CA10: variants seen among roughly 807,000 people sequenced by gnomAD.
The protein encoded by CA10 is carbonic anhydrase-related protein 10.
CA10 carries 14 observed loss-of-function variants against 44.2 expected under a neutral mutation model. The ratio of observed to expected loss-of-function variants is 0.32; its 90% CI spans 0.21 to 0.50. The LOEUF (loss-of-function observed/expected upper bound fraction) is 0.50, where lower values mean the gene tolerates loss of function less well. Among genes scored for constraint, CA10 ranks in the 20% least tolerant of loss-of-function variants. The probability of loss-of-function intolerance (pLI) is 0.99; values close to 1 mark genes in which losing one functional copy is unlikely to be tolerated. For missense variants in CA10, 350 were observed against 409.7 expected (o/e 0.85, Z 1.26); for synonymous variants, 159 against 141.6 (o/e 1.12, Z -0.87).
Position 52,092,051 on chromosome 17 carries a change from GTCTTTC to G in CA10, c.62-19664_62-19659del, listed in dbSNP as rs139559535. Among the ~76,000 whole-genome samples the G allele has an allele frequency of 7.4e-3, 1,121 of 152,156 alleles. 10 individuals carry two copies. The Middle Eastern group carries it at 0.095, about 13-fold the overall frequency. On this transcript the variant is annotated intron_variant, in intron 1 of 8. Coordinates refer to ENST00000451037, the MANE Select transcript of CA10 (RefSeq NM_020178.5). ...TGGGAGGGATGAGTTAAAACAACCTGTCTTTCTCTTTCTCTTTCTCCGCCTGTCTGT... is the reference window on the plus strand; with the variant it reads ...TGGGAGGGATGAGTTAAAACAACCTGTCTTTCTCTTTCTCCGCCTGTCTGT...
intron 1 of CA10, among the ~76,000 whole-genome samples, chr17:52,108,196 A>G (rs1251220293): frequency 5.2e-5 from 1 of 19,248 alleles, no homozygotes; most frequent in Non-Finnish European, 7.0e-5. Flanking sequence ...TATATTTTTT[A>G]TATATATATA....
chr17:52,097,798 C>A (rs1213718708), intron 1 of CA10, among the ~76,000 whole-genome samples: 2 of 152,100 alleles, frequency 1.3e-5, no homozygotes. Context: ...ACATGGTAAG[C>A]CCAGTAATAG....
chr17:51,741,125 A>G (rs1447199061), intron 4 of CA10, among the ~76,000 whole-genome samples: 1 of 152,226 alleles, frequency 6.6e-6, no homozygotes, highest in African/African-American at 2.4e-5. Context: ...TAAACCACAA[A>G]GCATGTGAAC....
intron 3 of CA10, chr17:51,763,458 C>T (rs1390874564): frequency 6.6e-6 from 1 of 152,168 alleles, no homozygotes; most frequent in Non-Finnish European, 1.5e-5. Context: ...AGCATGTTCA[C>T]CAGATGAATT....
chr17:51,829,384 A>G (rs2143779861), intron 3 of CA10, among the ~76,000 whole-genome samples: 1 of 152,342 alleles, frequency 6.6e-6, no homozygotes, highest in South Asian at 2.1e-4. Context: ...CAGAAACTGA[A>G]CAGTGAGGTG....
chr17:51,971,451 G>A (rs1567904897), intron 2 of CA10, among the ~76,000 whole-genome samples: 2 of 152,074 alleles, frequency 1.3e-5, no homozygotes, highest in Non-Finnish European at 2.9e-5. Context: ...TATTATAAAG[G>A]AAATCTTCAG....
At chr17:52,115,670 C>G (rs1185724596) in intron 1 of CA10, among the ~76,000 whole-genome samples, 1 of 152,240 alleles carries the variant, frequency 6.6e-6, no homozygotes, top group Non-Finnish European at 1.5e-5. Flanking sequence ...CCGCCCCCCT[C>G]CCCTCTCGGT....
intron 2 of CA10, among the ~76,000 whole-genome samples, chr17:52,057,186 G>A (rs1787792303): frequency 6.6e-6 from 1 of 152,066 alleles, no homozygotes. Flanking sequence ...CATGGGGTGT[G>A]AGCTACGTAG....
chr17:52,153,461 G>A (rs914751201), intron 1 of CA10, among the ~76,000 whole-genome samples: 1 of 152,094 alleles, frequency 6.6e-6, no homozygotes, highest in Non-Finnish European at 1.5e-5. Context: ...GATCCCCTGG[G>A]TAATAAGTAC....
intron 3 of CA10, among the ~76,000 whole-genome samples, chr17:51,752,721 G>T (rs1448416000): frequency 2.6e-5 from 4 of 152,118 alleles, no homozygotes; most frequent in Non-Finnish European, 4.4e-5. Context: ...CTGAGGTCAG[G>T]GGCTTGAGAC....
At chr17:51,714,244 G>A (rs1447627501) in intron 4 of CA10, among the ~76,000 whole-genome samples, 2 of 152,154 alleles carry the variant, frequency 1.3e-5, no homozygotes, top group Non-Finnish European at 2.9e-5. Context: ...AAGTCTCATA[G>A]GGGAACAAGC....
chr17:51,713,216 G>T (rs1915999194), intron 4 of CA10, among the ~76,000 whole-genome samples: 1 of 152,192 alleles, frequency 6.6e-6, no homozygotes, highest in Admixed American at 6.5e-5. Flanking sequence ...GCACTGAATG[G>T]TTTGAGCATC....
rs1979802254 is a variant in CA10 at position 51,871,364 on chromosome 17, TGGGATTACA to T, written c.279+59617_279+59625del. The stretch of plus-strand genomic sequence containing the variant: ...CTCCTGCCTCAGCCTCCCGAATAGC[TGGGATTACA>T]GGTGCCCACCACCAGGCCTAATTTT... On this transcript the variant is annotated intron_variant, in intron 3 of 8. Coordinates refer to ENST00000451037, the MANE Select transcript of CA10 (RefSeq NM_020178.5). Among the ~76,000 whole-genome samples, 13 of 149,546 alleles carry T rather than the reference TGGGATTACA, an allele frequency of 8.7e-5. No individual in the cohort carries two copies. In the South Asian group the frequency reaches 2.8e-3, roughly 32 times the overall value.
chr17:52,010,695 C>A (rs942835217), intron 2 of CA10, among the ~76,000 whole-genome samples: 2 of 151,754 alleles, frequency 1.3e-5, no homozygotes, highest in African/African-American at 4.8e-5. Flanking sequence ...ATGGGTACAC[C>A]AAAATCCCAG....
In CA10 at chr17:51,679,674, C is replaced by G. The variant is rs1477329975; in HGVS notation, c.466-25938G>C. 3.3e-5 allele frequency among the ~76,000 whole-genome samples: 5 copies of G among 151,930 alleles called. 1 individual carries two copies. Among genetic ancestry groups the G allele is most frequent in the Non-Finnish European group, 7.4e-5 (5 of 68,016 alleles). ...CCCTGGGTTGAAGCGATTCTCCTGC[C>G]TCAGCCTCCCAAATGGAGACTCCGT... On this transcript the variant is annotated intron_variant, in intron 4 of 8. Coordinates refer to ENST00000451037, the MANE Select transcript of CA10 (RefSeq NM_020178.5).
chr17:52,045,009 A>G (rs1376268791), intron 2 of CA10, among the ~76,000 whole-genome samples: 1 of 151,874 alleles, frequency 6.6e-6, no homozygotes, highest in Non-Finnish European at 1.5e-5. Flanking sequence ...AAACCACAAT[A>G]AGATGCATCA....
intron 2 of CA10, among the ~76,000 whole-genome samples, chr17:52,071,202 G>A (rs1262803172): frequency 6.6e-6 from 1 of 152,052 alleles, no homozygotes; most frequent in African/African-American, 2.4e-5. Context: ...ATGTTCACTG[G>A]GCCATAGAAT....
chr17:52,021,083 C>A (rs1224664115), intron 2 of CA10, among the ~76,000 whole-genome samples: 3 of 151,814 alleles, frequency 2.0e-5, no homozygotes, highest in African/African-American at 7.3e-5. Flanking sequence ...TTCCATATAA[C>A]AAACCTACTC....
chr17:51,760,266 G>T (rs1026130126), intron 3 of CA10, among the ~76,000 whole-genome samples: 3 of 152,234 alleles, frequency 2.0e-5, no homozygotes, highest in Admixed American at 2.0e-4. Flanking sequence ...TAATTAGATA[G>T]TAAGTCTTTG....
Sources: allele counts gnomAD v4.1 joint callset (sites outside exome capture counted in the v4.1 genomes callset), GRCh38; gene constraint gnomAD v4.1.1; transcripts MANE v1.5; gene names NCBI Gene and HGNC (gene_info 2026-07-23, HGNC 2026-07-21).